NSMF: variants seen among roughly 807,000 people sequenced by gnomAD.
NSMF encodes the protein nasal embryonic LHRH factor.
In NSMF, 31 loss-of-function variants were observed where a neutral mutation model predicts 71.0. The ratio of observed to expected loss-of-function variants is 0.44; its 90% CI spans 0.33 to 0.59. The LOEUF (loss-of-function observed/expected upper bound fraction) is 0.59. Ranked by LOEUF, NSMF falls within the 20% of genes least tolerant of loss-of-function variation. NSMF has a pLI of 0.04. For missense variants in NSMF, 673 were observed against 740.5 expected (o/e 0.91, Z 1.06); for synonymous variants, 345 against 287.1 (o/e 1.20, Z -2.04).
rs1481007169 is a variant in NSMF, at chr9:137,449,428, T to C, written c.1559A>G (p.His520Arg). ...GTCGTCAAAGTCCAGCAGCTTCGAG[T>C]GCTGGCGGCTCTTCCACAGGCGATA... ...RLYRLWKSRQ[H>R]SKLLDFDDVL is the part of the protein sequence containing the mutation. Residue 520 changes from histidine (H) to arginine (R), a missense_variant, in exon 16 of 16, where the codon CAC (histidine) becomes CGC (arginine). Physicochemically the swap from His to Arg is conservative, Grantham distance 29. Around this residue, in one of 2 missense-constraint regions of NSMF, gnomAD observed 202 missense variants for 280.8 expected, o/e 0.72. Coordinates refer to ENST00000371475, the MANE Select transcript of NSMF (RefSeq NM_001130969.3). The C allele has an allele frequency of 6.2e-7, 1 of 1,612,812 alleles. No individual in the cohort carries two copies. The highest frequency in any genetic ancestry group is 8.5e-7 in the Non-Finnish European group (1 of 1,179,908).
At chr9:137,452,939 C>T in intron 9 of NSMF, 117 bp downstream of exon 9, 11 of 1,564,290 alleles carry the variant, frequency 7.0e-6, no homozygotes, top group Admixed American at 3.4e-5. Flanking sequence ...CCCTGTGAGA[C>T]ACCCTCCCCC....
In NSMF at chr9:137,453,239, T is replaced by G; in HGVS notation, c.923-59A>C. 1 of 1,605,930 alleles carries G rather than the reference T, an allele frequency of 6.2e-7. No individual in the cohort carries two copies. On this transcript the variant is annotated intron_variant, in intron 8 of 15. Coordinates refer to ENST00000371475, the MANE Select transcript of NSMF (RefSeq NM_001130969.3). The surrounding 1 kb of genome is among the most constrained non-coding windows in gnomAD (Gnocchi z 4.5). ...CCGGCAGCACCTCCTATCCTGGCCA[T>G]GGCCCCAAGGCCCACAGGGCCCGAA... is the stretch of plus-strand genomic sequence containing the variant.
chr9:137,449,725 G>A lies in NSMF; in HGVS notation c.1420-51C>T, dbSNP rs547143660. On this transcript the variant is annotated intron_variant, in intron 14 of 15. Coordinates refer to ENST00000371475, the MANE Select transcript of NSMF (RefSeq NM_001130969.3). ...CCGAGGCAGAGAGATGGGGAAGGAG[G>A]AGCGGGGAGGAGATGGGGAGCAGGG... is the stretch of plus-strand genomic sequence containing the variant. The A allele has an allele frequency of 2.0e-6, 3 of 1,521,808 alleles. No individual in the cohort carries two copies. In the South Asian group the frequency reaches 3.4e-5, roughly 17 times the overall value. 94.3% of individuals were successfully genotyped at this position (1,521,808 alleles called of 1,614,324 possible). A position where few individuals can be genotyped will look rare whatever the true frequency, so the allele number is the denominator to read the frequency against.
At chr9:137,450,377 T>C in intron 12 of NSMF, 122 bp from the exon 13 acceptor site, 1 of 747,862 alleles carries the variant, frequency 1.3e-6, no homozygotes. Flanking sequence ...TTCTTCCCCT[T>C]GATCTCCCCC....
At chr9:137,458,098 G>T (rs936039815) in intron 2 of NSMF, among the ~76,000 whole-genome samples, 197 bp from the exon 3 acceptor site, 1 of 152,206 alleles carries the variant, frequency 6.6e-6, no homozygotes, top group East Asian at 1.9e-4. Context: ...GTGCGTGGGG[G>T]CTGGGTGACG....
In NSMF at chr9:137,457,745, G is replaced by A; in HGVS notation, c.290C>T (p.Pro97Leu). 1 of 1,558,470 alleles carries A rather than the reference G, an allele frequency of 6.4e-7. No individual in the cohort carries two copies. The highest frequency in any genetic ancestry group is 8.7e-7 in the Non-Finnish European group (1 of 1,151,306). ...AGAGATGGTGTACACTCGAGGCTGAGGGCCCTCGCCTGCGGGCTTCCTAAT... is the reference window on the plus strand; with the variant it reads ...AGAGATGGTGTACACTCGAGGCTGAAGGCCCTCGCCTGCGGGCTTCCTAAT... ...PSIRKPAGEG[P>L]QPRVYTISGE... The change falls in exon 3 of 16, where the codon CCT (proline) becomes CTT (leucine). Residue 97 changes from proline to leucine, a missense_variant. This residue lies in a region of NSMF where 471 missense variants were observed against 459.6 expected (regional missense o/e 1.02). Transcript: ENST00000371475.
chr9:137,456,196 CTGTG>C (rs201928724), intron 4 of NSMF, among the ~76,000 whole-genome samples: 3 of 140,740 alleles, frequency 2.1e-5, no homozygotes, highest in African/African-American at 5.3e-5. Context: ...GGTCCCCTGA[CTGTG>C]TGTGTGTGGG....
chr9:137,459,210 G>A lies in NSMF; in HGVS notation c.-108C>T. On this transcript the variant is annotated 5_prime_UTR_variant, in exon 1 of 16. Coordinates refer to ENST00000371475, the MANE Select transcript of NSMF (RefSeq NM_001130969.3). ...GGGTCGCGCTCGGGCTCGGGCTCGG[G>A]GTCTCGCTCGGGCTCCGGCTCGGGC... 1.2e-6 allele frequency: 1 copy of A among 819,470 alleles called. No homozygotes were observed. Among genetic ancestry groups the A allele is most frequent in the Non-Finnish European group, 1.5e-6 (1 of 658,726 alleles). 50.8% of individuals were successfully genotyped at this position (819,470 alleles called of 1,614,324 possible).
At position 137,457,765 on chromosome 9, in the gene NSMF, C is replaced by T; in HGVS notation, c.270G>A (p.Arg90=). 1 of 1,560,134 alleles carries T rather than the reference C, an allele frequency of 6.4e-7. No homozygotes were observed. The highest frequency in any genetic ancestry group is 1.4e-5 in the African/African-American group (1 of 74,006). ...GCTGAGGGCCCTCGCCTGCGGGCTT[C>T]CTAATGCTGGGCTCCTCTGAGAGGC... ...EGSLSEEPSI[R]KPAGEGPQPR... The change falls in exon 3 of 16, where the codon AGG becomes AGA. Residue 90 remains arginine (R), a synonymous_variant. Transcript: ENST00000371475.
chr9:137,452,994 A>C, intron 9 of NSMF, 62 bp downstream of exon 9: 2 of 1,607,616 alleles, frequency 1.2e-6, no homozygotes, highest in Non-Finnish European at 1.7e-6. Flanking sequence ...AGCTGGCTGG[A>C]CTCGGGTTGG....
intron 7 of NSMF, 93 bp downstream of exon 7, chr9:137,454,298 G>T (rs1262516577): frequency 2.4e-6 from 3 of 1,253,584 alleles, no homozygotes; most frequent in Admixed American, 2.0e-5. Context: ...TGGGGTTGGG[G>T]CGGGGGTCGT....
At chr9:137,455,602 T>C (rs1196067670) in intron 5 of NSMF, 27 bp downstream of exon 5, 1 of 1,549,790 alleles carries the variant, frequency 6.5e-7, no homozygotes, top group Non-Finnish European at 8.7e-7. Flanking sequence ...GCTGTGCCCT[T>C]AGGCACCAAG....
chr9:137,458,381 G>C, intron 2 of NSMF, 107 bp downstream of exon 2: 6 of 1,019,066 alleles, frequency 5.9e-6, no homozygotes, highest in Non-Finnish European at 8.9e-6. Flanking sequence ...AGGGCGCCGG[G>C]CCCACGCGCA....
At chr9:137,450,797 G>C (rs1273971923) in intron 12 of NSMF, among the ~76,000 whole-genome samples, 2 of 12,906 alleles carry the variant, frequency 1.5e-4, no homozygotes. Context: ...CCCACCACAC[G>C]CTCTTCTCCT....
rs751693300 is a variant in NSMF at position 137,450,006 on chromosome 9, G to A, written c.1336C>T (p.Arg446Cys). The A allele has an allele frequency of 5.0e-6, 8 of 1,612,882 alleles. No individual in the cohort carries two copies. The highest frequency in any genetic ancestry group is 2.7e-5 in the African/African-American group (2 of 74,888). The part of the protein sequence containing the change: ...DMIHFWKRLS[R>C]LMSKVNPEPN... The stretch of plus-strand genomic sequence containing the variant: ...TCTGGGTTCACTTTGCTCATCAGGC[G>A]GCTCAGCCGCTTCCAGAAGCTGGTG... The change falls in exon 14 of 16, where the codon CGC becomes TGC. Residue 446 changes from arginine (R) to cysteine (C), a missense_variant. Transcript: ENST00000371475.
intron 3 of NSMF, among the ~76,000 whole-genome samples, chr9:137,457,192 G>A (rs568530153): frequency 6.6e-6 from 1 of 152,292 alleles, no homozygotes; most frequent in African/African-American, 2.4e-5. Context: ...CGGACTGTGA[G>A]GCCTGGCAGA....
In NSMF at chr9:137,458,483, C is replaced by T. The variant is rs199894441; in HGVS notation, c.133+5G>A. 16 of 1,582,916 alleles carry T rather than the reference C, an allele frequency of 1.0e-5. No individual in the cohort carries two copies. The highest frequency in any genetic ancestry group is 1.4e-5 in the Non-Finnish European group (16 of 1,167,868). On this transcript the variant is annotated splice_donor_5th_base_variant and intron_variant, in intron 2 of 15. Transcript: ENST00000371475. ...CGGCCCTGGCACGGCCTCGCGTGCC[C>T]CTACCTGCGCCGTTGCGGTTCTCAG...
rs1377871858 is a variant in NSMF, at chr9:137,448,379, A to G, written c.*1015T>C. On this transcript the variant is annotated 3_prime_UTR_variant, in exon 16 of 16. Transcript: ENST00000371475. The surrounding 1 kb of genome is among the most constrained non-coding windows in gnomAD (Gnocchi z 5.3). ...GGGGGCCTGCCCCCTCGCCCCAGCT[A>G]TATACACGACAGCCCATCCTGCTGG... 6.6e-6 allele frequency: 1 copy of G among 152,370 alleles called. No individual in the cohort carries two copies. Among genetic ancestry groups the G allele is most frequent in the African/African-American group, 2.4e-5 (1 of 41,448 alleles). The allele number at this position is 152,370 out of a possible 1,614,324, so 9.4% of individuals were successfully genotyped here. A position where few individuals can be genotyped will look rare whatever the true frequency, so the allele number is the denominator to read the frequency against.
chr9:137,459,271 C>A lies in NSMF; in HGVS notation c.-169G>T. 3.6e-6 allele frequency: 1 copy of A among 280,638 alleles called. No individual in the cohort carries two copies. The highest frequency in any genetic ancestry group is 1.3e-4 in the South Asian group (1 of 7,932). The allele number at this position is 280,638 out of a possible 1,614,324, so 17.4% of individuals were successfully genotyped here. A position where few individuals can be genotyped will look rare whatever the true frequency, so the allele number is the denominator to read the frequency against. On this transcript the variant is annotated 5_prime_UTR_variant, in exon 1 of 16. Coordinates refer to ENST00000371475, the MANE Select transcript of NSMF (RefSeq NM_001130969.3). ...GGTCGGGCTCGGGGTCGGGCCCGGT[C>A]CCCGCATGGCCGCACCCGGCGCTCC...
Sources: gnomAD v4.1 joint callset for allele counts (sites outside exome capture counted in the v4.1 genomes callset) on GRCh38, gnomAD v4.1.1 for gene constraint, gnomAD v4.1.1 regional missense constraint, Gnocchi (gnomAD v3.1) non-coding constraint, MANE v1.5 for transcripts, NCBI Gene and HGNC (gene_info 2026-07-23, HGNC 2026-07-21) for gene names.